Variants in MYOM2 observed in about 807,000 individuals in gnomAD.
The protein encoded by MYOM2 is myomesin 2, also known as myomesin-2.
MYOM2 carries 254 observed loss-of-function variants against 187.6 expected under a neutral mutation model. The ratio of observed to expected loss-of-function variants is 1.35; its 90% CI spans 1.22 to 1.50. The LOEUF (loss-of-function observed/expected upper bound fraction) is 1.50. MYOM2 is among the 40% of genes most tolerant of loss of function. MYOM2 has a pLI of 0.00. For missense variants in MYOM2, 2,796 were observed against 1,924.0 expected (o/e 1.45, Z -8.48); for synonymous variants, 981 against 753.8 (o/e 1.30, Z -4.94).
At chr8:2,105,165 C>T (rs1229272446) in intron 21 of MYOM2, among the ~76,000 whole-genome samples, 3 of 152,182 alleles carry the variant, frequency 2.0e-5, no homozygotes, top group Non-Finnish European at 4.4e-5. Flanking sequence ...CATCCACATC[C>T]AAACCACAGC....
chr8:2,061,232 C>A (rs548672022), intron 6 of MYOM2, among the ~76,000 whole-genome samples: 2 of 151,348 alleles, frequency 1.3e-5, no homozygotes, highest in African/African-American at 2.4e-5. Context: ...TGAGGGAGGG[C>A]GTCTCTGTCC....
At position 2,116,070 on chromosome 8, in the gene MYOM2, CAA is replaced by C; in HGVS notation, c.3294_3295del (p.Gln1100ValfsTer18). On this transcript the variant is annotated frameshift_variant, in exon 26 of 37. Coordinates refer to ENST00000262113, the MANE Select transcript of MYOM2 (RefSeq NM_003970.4). LOFTEE classifies it high-confidence loss of function. ...CTGTGCAGATTCATGATGGGAAAGC[CAA>C]AAGTCAGTCTTCTCTAGTTCTTATT... ...YTVQIHDGKA[K>X]SQSSLVLIGD... 6.2e-7 allele frequency: 1 copy of C among 1,613,716 alleles called. No homozygotes were observed. Among genetic ancestry groups the C allele is most frequent in the Middle Eastern group, 1.6e-4 (1 of 6,062 alleles).
At chr8:2,122,148 G>C (rs1261824157) in intron 28 of MYOM2, among the ~76,000 whole-genome samples, 2 of 152,220 alleles carry the variant, frequency 1.3e-5, no homozygotes, top group African/African-American at 4.8e-5. Context: ...TAAGCAATTA[G>C]ATTGGCATTG....
chr8:2,062,497 G>T (rs988168462), intron 6 of MYOM2, among the ~76,000 whole-genome samples: 4 of 152,144 alleles, frequency 2.6e-5, no homozygotes, highest in African/African-American at 9.7e-5. Context: ...TGAAAGAGAG[G>T]GGTCCAAGTA....
intron 33 of MYOM2, 85 bp from the exon 34 acceptor site, chr8:2,141,056 C>G: frequency 1.4e-6 from 2 of 1,397,208 alleles, no homozygotes; most frequent in Non-Finnish European, 2.0e-6. Flanking sequence ...TTTTCATGAA[C>G]CAGATTCACT....
intron 30 of MYOM2, among the ~76,000 whole-genome samples, 165 bp downstream of exon 30, chr8:2,123,807 G>C (rs145037258): frequency 1.3e-5 from 2 of 152,342 alleles, no homozygotes; most frequent in African/African-American, 4.8e-5. Flanking sequence ...TGCTTTCAGA[G>C]TTTTTTCAGT....
At chr8:2,121,752 T>C (rs1797467347) in intron 28 of MYOM2, among the ~76,000 whole-genome samples, 2 of 152,192 alleles carry the variant, frequency 1.3e-5, no homozygotes, top group Admixed American at 1.3e-4. Context: ...ATCATAAACA[T>C]AAGAAAATCT....
chr8:2,072,340 T>G lies in MYOM2; in HGVS notation c.794-5T>G, dbSNP rs781777938. 6.2e-7 allele frequency: 1 copy of G among 1,612,400 alleles called. No individual in the cohort carries two copies. Among genetic ancestry groups the G allele is most frequent in the Non-Finnish European group, 8.5e-7 (1 of 1,179,126 alleles). ...GCCCTGAAAGCCTCCATCGTTTCTG[T>G]GCAGTGCCCCTGTCATCGATGATTC... On this transcript the variant is annotated splice_region_variant and splice_polypyrimidine_tract_variant and intron_variant, in intron 8 of 36. Transcript: ENST00000262113.
intron 32 of MYOM2, among the ~76,000 whole-genome samples, chr8:2,133,556 G>A (rs139841582): frequency 0.13 from 19,796 of 152,108 alleles, 2,199 homozygotes; most frequent in African/African-American, 0.28. Context: ...TGCCTCCTGG[G>A]TTCAAGTGAT....
In MYOM2 at chr8:2,072,346, G is replaced by T; in HGVS notation, c.795G>T (p.Leu265Phe). 1 of 1,612,994 alleles carries T rather than the reference G, an allele frequency of 6.2e-7. No homozygotes were observed. The highest frequency in any genetic ancestry group is 1.1e-5 in the South Asian group (1 of 91,056). The change falls in exon 9 of 37, where the codon TTG becomes TTT. Residue 265 changes from leucine (L) to phenylalanine (F), a missense_variant and splice_region_variant. Physicochemically the swap from Leu to Phe is conservative, Grantham distance 22. Coordinates refer to ENST00000262113, the MANE Select transcript of MYOM2 (RefSeq NM_003970.4). The stretch of plus-strand genomic sequence containing the variant: ...AAAGCCTCCATCGTTTCTGTGCAGT[G>T]CCCCTGTCATCGATGATTCCGTACA... Reference protein sequence around the residue: ...PFRSVGLPIGLPLSSMIPYTH... With the variant: ...PFRSVGLPIGFPLSSMIPYTH...
At chr8:2,118,531 G>C (rs562622020) in intron 28 of MYOM2, among the ~76,000 whole-genome samples, 1 of 152,234 alleles carries the variant, frequency 6.6e-6, no homozygotes, top group South Asian at 2.1e-4. Context: ...AGAGAGAAAA[G>C]TAAACAGACA....
chr8:2,082,346 T>G (rs774002849), intron 13 of MYOM2, among the ~76,000 whole-genome samples: 6 of 152,226 alleles, frequency 3.9e-5, no homozygotes, highest in Non-Finnish European at 8.8e-5. Context: ...ATTCAAGAAT[T>G]TGCTATTAGG....
intron 3 of MYOM2, among the ~76,000 whole-genome samples, chr8:2,053,274 T>A (rs891494731): frequency 3.9e-5 from 6 of 152,256 alleles, no homozygotes; most frequent in South Asian, 2.1e-4. Flanking sequence ...TGAATTTTTT[T>A]AAATGTCATA....
In MYOM2 at chr8:2,144,874, G is replaced by T. The variant is rs755117273; in HGVS notation, c.4291G>T (p.Val1431Leu). The change falls in exon 37 of 37, where the codon GTG (valine) becomes TTG (leucine). Residue 1431 changes from valine (V) to leucine (L), a missense_variant. By Grantham distance (32) the Val-to-Leu change is conservative. Coordinates refer to ENST00000262113, the MANE Select transcript of MYOM2 (RefSeq NM_003970.4). ...TAAGTATGGCGGGGAGAAGATCGAC[G>T]TGACAGTGAGCGTGTACAAACACGG... The part of the protein sequence containing the change: ...KNKYGGEKID[V>L]TVSVYKHGEK... The T allele has an allele frequency of 3.7e-6, 6 of 1,614,102 alleles. No homozygotes were observed. The highest frequency in any genetic ancestry group is 1.6e-4 in the Middle Eastern group (1 of 6,062).
At chr8:2,107,016 A>G (rs111654070) in intron 23 of MYOM2, among the ~76,000 whole-genome samples, 5 of 152,220 alleles carry the variant, frequency 3.3e-5, no homozygotes, top group Admixed American at 1.3e-4. Context: ...AAATAATTTT[A>G]ACTGACGAAG....
chr8:2,088,174 A>G (rs1001319347), intron 14 of MYOM2, among the ~76,000 whole-genome samples: 5 of 151,956 alleles, frequency 3.3e-5, no homozygotes, highest in African/African-American at 9.7e-5. Context: ...ACGCTGCACC[A>G]TATTTGTTGT....
At chr8:2,114,091 C>T (rs766551229) in intron 25 of MYOM2, among the ~76,000 whole-genome samples, 3 of 152,200 alleles carry the variant, frequency 2.0e-5, no homozygotes, top group Non-Finnish European at 2.9e-5. Flanking sequence ...AGGGAAGTCT[C>T]CCTTGGAGCC....
intron 6 of MYOM2, among the ~76,000 whole-genome samples, chr8:2,061,333 CTGG>C (rs1818845787): frequency 6.6e-6 from 1 of 152,106 alleles, no homozygotes; most frequent in African/African-American, 2.4e-5. Context: ...CCCCTCCAGC[CTGG>C]TGGTTAGTAA....
chr8:2,104,358 T>C (rs1369664930), intron 21 of MYOM2, among the ~76,000 whole-genome samples: 1 of 151,996 alleles, frequency 6.6e-6, no homozygotes, highest in Admixed American at 6.6e-5. Context: ...ATCCCAGCAA[T>C]TTGGGAAGCC....
Sources: gnomAD v4.1 joint callset for allele counts (sites outside exome capture counted in the v4.1 genomes callset) on GRCh38, gnomAD v4.1.1 for gene constraint, MANE v1.5 for transcripts, NCBI Gene and HGNC (gene_info 2026-07-23, HGNC 2026-07-21) for gene names.